Variants in DAPK1 observed in about 807,000 individuals in gnomAD.
DAPK1 encodes death-associated protein kinase 1.
A neutral mutation model predicts 144.9 loss-of-function variants in DAPK1; 56 were observed. The ratio of observed to expected loss-of-function variants is 0.39; its 90% CI spans 0.31 to 0.48. The LOEUF is 0.48. DAPK1 is among the 20% of genes least tolerant of loss of function. The probability of loss-of-function intolerance (pLI) is 0.95; values close to 1 mark genes in which losing one functional copy is unlikely to be tolerated. For missense variants in DAPK1, 1,454 were observed against 1,875.4 expected (o/e 0.78, Z 4.15); for synonymous variants, 690 against 749.0 (o/e 0.92, Z 1.29).
intron 2 of DAPK1, among the ~76,000 whole-genome samples, chr9:87,592,974 G>C (rs72747844): frequency 0.054 from 8,206 of 152,256 alleles, 255 homozygotes; most frequent in African/African-American, 0.082. Flanking sequence ...CAGATCTGTA[G>C]ACATCATGGG....
intron 21 of DAPK1, among the ~76,000 whole-genome samples, chr9:87,688,145 T>C (rs957043201): frequency 3.0e-5 from 4 of 133,634 alleles, no homozygotes; most frequent in Non-Finnish European, 4.7e-5. Flanking sequence ...TTTACATCCA[T>C]GAGTACCGAA....
At position 87,541,827 on chromosome 9, in the gene DAPK1, T is replaced by C. The variant is rs562777651; in HGVS notation, c.62+42688T>C. 9.2e-5 allele frequency among the ~76,000 whole-genome samples: 14 copies of C among 152,320 alleles called. No individual in the cohort carries two copies. In the South Asian group the frequency reaches 1.4e-3, roughly 16 times the overall value. On this transcript the variant is annotated intron_variant, in intron 2 of 25. Coordinates refer to ENST00000408954, the MANE Select transcript of DAPK1 (RefSeq NM_004938.4). Reference sequence around the variant, plus strand: ...CAGCCATTACCATTACCCAATGTGATGCATGTTTTCCTGTTCTGTGTCTAT... The same window carrying C: ...CAGCCATTACCATTACCCAATGTGACGCATGTTTTCCTGTTCTGTGTCTAT...
Position 87,707,435 on chromosome 9 carries a change from C to A in DAPK1, c.*71C>A. 1 of 1,059,534 alleles carries A rather than the reference C, an allele frequency of 9.4e-7. No homozygotes were observed. The highest frequency in any genetic ancestry group is 1.4e-6 in the Non-Finnish European group (1 of 724,340). 65.6% of individuals were successfully genotyped at this position (1,059,534 alleles called of 1,614,324 possible). A position where few individuals can be genotyped will look rare whatever the true frequency, so the allele number is the denominator to read the frequency against. ...AGGGGGTGATGTAGCCCATCCTTCC[C>A]TTTGGAGATGCTGAGGGTGTTTCTT... On this transcript the variant is annotated 3_prime_UTR_variant, in exon 26 of 26. Coordinates refer to ENST00000408954, the MANE Select transcript of DAPK1 (RefSeq NM_004938.4). The surrounding 1 kb of genome is among the most constrained non-coding windows in gnomAD (Gnocchi z 4.0).
intron 2 of DAPK1, among the ~76,000 whole-genome samples, chr9:87,574,720 A>G (rs563556323): frequency 1.3e-5 from 2 of 152,286 alleles, no homozygotes; most frequent in African/African-American, 2.4e-5. Flanking sequence ...GGAGTTTGAG[A>G]CCAGCCTGGC....
intron 2 of DAPK1, among the ~76,000 whole-genome samples, chr9:87,525,825 G>A (rs1317685813): frequency 6.6e-6 from 1 of 152,182 alleles, no homozygotes; most frequent in Admixed American, 6.5e-5. Context: ...TGCCTGGGGT[G>A]AGGGCTCAGT....
At chr9:87,648,948 G>A in intron 15 of DAPK1, 69 bp downstream of exon 15, 3 of 1,359,832 alleles carry the variant, frequency 2.2e-6, no homozygotes, top group East Asian at 2.3e-5. Context: ...AGATGGTACA[G>A]TCGGGGCCTT....
chr9:87,575,306 G>A (rs756887630), intron 2 of DAPK1, among the ~76,000 whole-genome samples: 15 of 151,822 alleles, frequency 9.9e-5, no homozygotes, highest in Non-Finnish European at 1.6e-4. Flanking sequence ...ATTCATAGCC[G>A]TTATCTCGTG....
Position 87,706,340 on chromosome 9 carries a change from T to C in DAPK1, c.3269T>C (p.Ile1090Thr). 1 of 1,607,742 alleles carries C rather than the reference T, an allele frequency of 6.2e-7. No homozygotes were observed. The highest frequency in any genetic ancestry group is 8.5e-7 in the Non-Finnish European group (1 of 1,176,838). The change falls in exon 26 of 26, where the codon ATC becomes ACC. Residue 1090 changes from isoleucine to threonine, a missense_variant. By Grantham distance (89) the Ile-to-Thr change is moderately conservative. Coordinates refer to ENST00000408954, the MANE Select transcript of DAPK1 (RefSeq NM_004938.4). The surrounding 1 kb of genome is among the most constrained non-coding windows in gnomAD (Gnocchi z 9.0). The stretch of plus-strand genomic sequence containing the variant: ...CTGCAGATCCTCGATGCCATGGACA[T>C]CTGCGCCCGGGACCTGAGCAGCGGG... ...ELLQILDAMD[I>T]CARDLSSGTM...
At chr9:87,511,823 G>T (rs7872032) in intron 2 of DAPK1, among the ~76,000 whole-genome samples, 34,336 of 151,360 alleles carry the variant, frequency 0.23, 4,285 homozygotes, top group East Asian at 0.42. Context: ...CGATTCTCCT[G>T]CCTCAACCTC....
At chr9:87,589,880 A>G (rs778803829) in intron 2 of DAPK1, among the ~76,000 whole-genome samples, 5 of 152,200 alleles carry the variant, frequency 3.3e-5, no homozygotes, top group Non-Finnish European at 5.9e-5. Context: ...ACCAAAATCT[A>G]CCATATGGTG....
At chr9:87,498,149 G>A (rs1824249853) in intron 1 of DAPK1, 42 bp downstream of exon 1, 1 of 397,102 alleles carries the variant, frequency 2.5e-6, no homozygotes, top group Non-Finnish European at 4.4e-6. Context: ...CCGACCCCCG[G>A]CGCCAGCTTT....
intron 2 of DAPK1, among the ~76,000 whole-genome samples, chr9:87,601,811 A>AC (rs1486724958): frequency 1.3e-5 from 2 of 152,202 alleles, no homozygotes; most frequent in African/African-American, 4.8e-5. Context: ...ACCTTGGGTT[A>AC]CACAGCTGGC....
Position 87,651,523 on chromosome 9 carries a change from C to G in DAPK1, c.1627-4C>G. ...CTCTCATGATCTCTGGGGTTTGTTT[C>G]CAGGACGGACACATTGCCCTTCATC... On this transcript the variant is annotated splice_polypyrimidine_tract_variant and splice_region_variant and intron_variant, in intron 16 of 25. Transcript: ENST00000408954. The G allele has an allele frequency of 6.2e-7, 1 of 1,614,046 alleles. No individual in the cohort carries two copies.
intron 2 of DAPK1, among the ~76,000 whole-genome samples, chr9:87,561,659 G>A (rs915004547): frequency 2.6e-5 from 4 of 152,208 alleles, no homozygotes; most frequent in African/African-American, 9.7e-5. Context: ...CCTGCCCTGG[G>A]GGATTCCCCT....
intron 2 of DAPK1, among the ~76,000 whole-genome samples, chr9:87,570,392 A>G (rs937979628): frequency 6.6e-6 from 1 of 152,254 alleles, no homozygotes; most frequent in Non-Finnish European, 1.5e-5. Flanking sequence ...AACTAATTTT[A>G]TAACAGCTTA....
chr9:87,659,233 G>A (rs1414690956), intron 18 of DAPK1, among the ~76,000 whole-genome samples: 2 of 152,148 alleles, frequency 1.3e-5, no homozygotes, highest in African/African-American at 4.8e-5. Flanking sequence ...GCAGTGGGGG[G>A]CCCAGCTCTG....
At chr9:87,699,829 C>T (rs911016806) in intron 23 of DAPK1, among the ~76,000 whole-genome samples, 1 of 152,172 alleles carries the variant, frequency 6.6e-6, no homozygotes, top group Non-Finnish European at 1.5e-5. Flanking sequence ...CTCACCTTTC[C>T]TGCCTCGGGA....
intron 2 of DAPK1, chr9:87,507,084 C>A (rs1218429069): frequency 6.6e-6 from 1 of 152,192 alleles, no homozygotes; most frequent in Non-Finnish European, 1.5e-5. Flanking sequence ...CTGGAGATAC[C>A]TGACAAGCGT....
At chr9:87,518,645 T>C (rs1289791834) in intron 2 of DAPK1, among the ~76,000 whole-genome samples, 2 of 152,228 alleles carry the variant, frequency 1.3e-5, no homozygotes, top group African/African-American at 4.8e-5. Flanking sequence ...GCCTGTTATC[T>C]GACCATGCCC....
Sources: allele counts gnomAD v4.1 joint callset (sites outside exome capture counted in the v4.1 genomes callset), GRCh38; gene constraint gnomAD v4.1.1; non-coding constraint Gnocchi (gnomAD v3.1); transcripts MANE v1.5; gene names NCBI Gene and HGNC (gene_info 2026-07-23, HGNC 2026-07-21).